The following TRPM7 variants were observed in gnomAD, a reference collection of about 807,000 sequenced individuals.
The protein encoded by TRPM7 is transient receptor potential cation channel subfamily M member 7, also known as LTRPC ion channel family member 7.
TRPM7 carries 134 observed loss-of-function variants against 229.7 expected under a neutral mutation model. The observed-to-expected ratio is 0.58, with a 90% confidence interval of 0.51 to 0.67. TRPM7 has a LOEUF of 0.67. Among genes scored for constraint, TRPM7 ranks in the 30% least tolerant of loss-of-function variants. TRPM7 has a pLI of 0.00. For synonymous variants in TRPM7, 699 were observed against 715.2 expected, an observed-to-expected ratio of 0.98 and a Z score of 0.36; for missense variants, 1,901 against 2,210.0, an observed-to-expected ratio of 0.86 and a Z score of 2.80.
chr15:50,655,912 C>A (rs1027393892), intron 3 of TRPM7, among the ~76,000 whole-genome samples: 1 of 151,842 alleles, frequency 6.6e-6, no homozygotes, highest in African/African-American at 2.4e-5. Context: ...ATCACTTGAA[C>A]CTGGGAGGCA....
Position 50,648,747 on chromosome 15 carries a change from G to A in TRPM7, c.261C>T (p.Ser87=). 1 of 1,613,290 alleles carries A rather than the reference G, an allele frequency of 6.2e-7. No individual in the cohort carries two copies. The highest frequency in any genetic ancestry group is 8.5e-7 in the Non-Finnish European group (1 of 1,179,572). Residue 87 remains serine (S), a synonymous_variant, in exon 4 of 39, where the codon AGC becomes AGT. Transcript: ENST00000646667. ...TTATGACTCCATAAGCATCCGTTGGGCTCTGTTCTGTATGCTTTTCCACAG... is the reference window on the plus strand; with the variant it reads ...TTATGACTCCATAAGCATCCGTTGGACTCTGTTCTGTATGCTTTTCCACAG... ...EWSVEKHTEQ[S]PTDAYGVINF...
intron 28 of TRPM7, among the ~76,000 whole-genome samples, chr15:50,585,324 A>G (rs2054645574): frequency 6.6e-6 from 1 of 152,116 alleles, no homozygotes; most frequent in South Asian, 2.1e-4. Context: ...CGGCCTCCCA[A>G]AGTGCTAGGA....
At chr15:50,675,188 T>C (rs976775442) in intron 1 of TRPM7, among the ~76,000 whole-genome samples, 2 of 152,006 alleles carry the variant, frequency 1.3e-5, no homozygotes, top group East Asian at 1.9e-4. Context: ...ACTAAAAATA[T>C]AAAAATTAGC....
chr15:50,645,545 T>C (rs956511428), intron 4 of TRPM7, among the ~76,000 whole-genome samples: 2 of 152,144 alleles, frequency 1.3e-5, no homozygotes, highest in Non-Finnish European at 2.9e-5. Context: ...TTGGTCAGGC[T>C]GGTCTTGAAC....
Position 50,607,238 on chromosome 15 carries a change from C to T in TRPM7, c.2671G>A (p.Ala891Thr). Residue 891 changes from alanine (A) to threonine (T), a missense_variant, in exon 20 of 39, where the codon GCT becomes ACT. Coordinates refer to ENST00000646667, the MANE Select transcript of TRPM7 (RefSeq NM_017672.6). ...TCAATGGCATAAGTAAAAATATAAG[C>T]AATAACAATCCATTCTTGAACTGAA... The part of the protein sequence containing the change: ...LPSVQEWIVI[A>T]YIFTYAIEKV... The T allele has an allele frequency of 6.2e-7, 1 of 1,611,008 alleles. No individual in the cohort carries two copies. The highest frequency in any genetic ancestry group is 8.5e-7 in the Non-Finnish European group (1 of 1,178,628).
intron 4 of TRPM7, among the ~76,000 whole-genome samples, chr15:50,645,865 T>C (rs2061247762): frequency 6.6e-6 from 1 of 151,998 alleles, no homozygotes; most frequent in Non-Finnish European, 1.5e-5. Context: ...TTGAATACAT[T>C]AGCAGGTGGC....
chr15:50,662,838 C>T (rs897481889), intron 2 of TRPM7, 129 bp downstream of exon 2: 6 of 727,180 alleles, frequency 8.3e-6, no homozygotes, highest in South Asian at 6.7e-5. Flanking sequence ...AAATGATTAA[C>T]AGTAATTATA....
intron 1 of TRPM7, among the ~76,000 whole-genome samples, chr15:50,669,705 T>C (rs1285467241): frequency 6.6e-6 from 1 of 152,138 alleles, no homozygotes; most frequent in Non-Finnish European, 1.5e-5. Flanking sequence ...TCATCAGTTG[T>C]TTGAGTTTTT....
intron 14 of TRPM7, 59 bp from the exon 15 acceptor site, chr15:50,613,900 T>G: frequency 6.4e-7 from 1 of 1,569,646 alleles, no homozygotes; most frequent in Non-Finnish European, 8.6e-7. Context: ...GTTATAAAAA[T>G]TCAAGAATCA....
At chr15:50,628,396 T>C in intron 10 of TRPM7, 147 bp from the exon 11 acceptor site, 1 of 577,436 alleles carries the variant, frequency 1.7e-6, no homozygotes, top group Non-Finnish European at 3.1e-6. Context: ...CAGCCTTGAA[T>C]TCCTGGGTTC....
chr15:50,606,049 T>C (rs2059909982), intron 20 of TRPM7, among the ~76,000 whole-genome samples: 1 of 152,206 alleles, frequency 6.6e-6, no homozygotes, highest in African/African-American at 2.4e-5. Context: ...GGTAGAGACA[T>C]GAAATAATTC....
intron 21 of TRPM7, among the ~76,000 whole-genome samples, chr15:50,600,311 C>G (rs2059744265): frequency 6.6e-6 from 1 of 152,076 alleles, no homozygotes; most frequent in South Asian, 2.1e-4. Context: ...GCGGCACACT[C>G]CTGTAATCCC....
chr15:50,626,111 CT>C (rs2060551837), intron 11 of TRPM7, among the ~76,000 whole-genome samples: 2 of 152,274 alleles, frequency 1.3e-5, no homozygotes, highest in South Asian at 4.1e-4. Context: ...GTATGTATAA[CT>C]GCAGCATTTA....
intron 1 of TRPM7, among the ~76,000 whole-genome samples, chr15:50,666,394 T>C (rs893072790): frequency 5.3e-5 from 8 of 151,850 alleles, no homozygotes; most frequent in African/African-American, 2.4e-5. Flanking sequence ...CGAGCTGTGA[T>C]CATGCCACCG....
In TRPM7 at chr15:50,631,398, A is replaced by G; in HGVS notation, c.1204+19T>C. 1 of 1,555,968 alleles carries G rather than the reference A, an allele frequency of 6.4e-7. No individual in the cohort carries two copies. Among genetic ancestry groups the G allele is most frequent in the African/African-American group, 1.4e-5 (1 of 73,416 alleles). On this transcript the variant is annotated intron_variant, in intron 10 of 38. Coordinates refer to ENST00000646667, the MANE Select transcript of TRPM7 (RefSeq NM_017672.6). ...TAAAATAAAAGGTCTTACAAATAAA[A>G]AAGTTCTTAGAGGCTTACCTTTTAG...
intron 2 of TRPM7, among the ~76,000 whole-genome samples, chr15:50,660,319 A>G (rs1404624247): frequency 6.6e-6 from 1 of 152,176 alleles, no homozygotes; most frequent in Non-Finnish European, 1.5e-5. Context: ...TATTTTCTCA[A>G]TAATAAATAA....
chr15:50,660,506 T>G (rs923327705), intron 2 of TRPM7, among the ~76,000 whole-genome samples: 1 of 152,008 alleles, frequency 6.6e-6, no homozygotes, highest in African/African-American at 2.4e-5. Flanking sequence ...ATAAAAAAAA[T>G]TAAGTGGGCG....
chr15:50,614,690 A>G (rs2060169918), intron 13 of TRPM7, among the ~76,000 whole-genome samples: 1 of 143,804 alleles, frequency 7.0e-6, no homozygotes, highest in Non-Finnish European at 1.5e-5. Flanking sequence ...AAAAAAAAAA[A>G]GCAGCAGCAA....
chr15:50,623,567 T>C (rs2060479021), intron 12 of TRPM7, among the ~76,000 whole-genome samples: 1 of 140,390 alleles, frequency 7.1e-6, no homozygotes, highest in Non-Finnish European at 1.5e-5. Flanking sequence ...TATATGAAGA[T>C]CTTTGAAAAT....
Sources: gnomAD v4.1 joint callset for allele counts (sites outside exome capture counted in the v4.1 genomes callset) on GRCh38, gnomAD v4.1.1 for gene constraint, MANE v1.5 for transcripts, NCBI Gene and HGNC (gene_info 2026-07-23, HGNC 2026-07-21) for gene names.